Variants in TRIQK observed in about 807,000 individuals in gnomAD.
TRIQK encodes triple QxxK/R motif containing.
In TRIQK, 10 loss-of-function variants were observed where a neutral mutation model predicts 10.8. That is an observed-to-expected ratio of 0.92 (90% CI 0.57 to 1.57). The LOEUF is 1.57. Ranked by LOEUF, TRIQK falls within the 40% of genes most tolerant of loss-of-function variation. TRIQK has a pLI of 0.00. For missense variants in TRIQK, 107 were observed against 97.7 expected, an observed-to-expected ratio of 1.09 and a Z score of -0.40; for synonymous variants, 33 against 33.7, an observed-to-expected ratio of 0.98 and a Z score of 0.07.
intron 2 of TRIQK, among the ~76,000 whole-genome samples, chr8:92,925,775 C>A (rs551954544): frequency 2.9e-4 from 44 of 152,276 alleles, no homozygotes; most frequent in Admixed American, 9.2e-4. Context: ...ATTTCTGGTA[C>A]AACTTCTTTA....
chr8:92,946,955 T>C (rs796172449), intron 2 of TRIQK, among the ~76,000 whole-genome samples: 35 of 151,600 alleles, frequency 2.3e-4, no homozygotes, highest in Admixed American at 4.6e-4. Context: ...TTAGTAGAGA[T>C]GGGGTTTCAC....
chr8:93,017,230 A>ATT (rs1482670624), intron 1 of TRIQK, among the ~76,000 whole-genome samples: 159 of 151,958 alleles, frequency 1.0e-3, no homozygotes, highest in Non-Finnish European at 1.9e-3. Flanking sequence ...TGGAAGATAA[A>ATT]TAAGACTGCG....
At chr8:92,981,593 CTA>C (rs1261018620) in intron 1 of TRIQK, among the ~76,000 whole-genome samples, 1 of 151,670 alleles carries the variant, frequency 6.6e-6, no homozygotes, top group African/African-American at 2.4e-5. Flanking sequence ...GTTAAAATTC[CTA>C]TGTTATATTA....
At chr8:92,996,000 C>A (rs1049045468) in intron 1 of TRIQK, among the ~76,000 whole-genome samples, 3 of 152,134 alleles carry the variant, frequency 2.0e-5, no homozygotes, top group South Asian at 4.1e-4. Flanking sequence ...ACTGTCAGAT[C>A]TCTGTTGAGG....
Position 92,955,775 on chromosome 8 carries a change from T to C in TRIQK, c.-180-1211A>G, listed in dbSNP as rs867701224. On this transcript the variant is annotated intron_variant, in intron 1 of 4. Transcript: ENST00000521988. The stretch of plus-strand genomic sequence containing the variant: ...TTAAATGGGCAAAGTATTTGAACAA[T>C]TTTCCAGAGAAGACATACAAATTGC... Among the ~76,000 whole-genome samples, 147 of 151,884 alleles carry C rather than the reference T, an allele frequency of 9.7e-4. 1 individual carries two copies. The highest frequency in any genetic ancestry group is 3.4e-3 in the African/African-American group (142 of 41,514).
chr8:93,017,392 G>A (rs1016960369), intron 1 of TRIQK, among the ~76,000 whole-genome samples: 7 of 152,144 alleles, frequency 4.6e-5, no homozygotes, highest in Admixed American at 4.6e-4. Flanking sequence ...TAGGACTGTA[G>A]CAAAATAGGC....
intron 1 of TRIQK, chr8:92,974,335 C>T (rs1251046565): frequency 6.6e-6 from 1 of 152,238 alleles, no homozygotes; most frequent in African/African-American, 2.4e-5. Flanking sequence ...CCTTATCCAA[C>T]AGCTCCCACC....
At chr8:92,894,419 G>A (rs1381256497) in intron 3 of TRIQK, among the ~76,000 whole-genome samples, 1 of 151,264 alleles carries the variant, frequency 6.6e-6, no homozygotes, top group Admixed American at 6.6e-5. Flanking sequence ...AAATATAGAA[G>A]TCCCTGACTT....
At chr8:92,964,744 T>C (rs138937338) in intron 1 of TRIQK, 3 of 152,232 alleles carry the variant, frequency 2.0e-5, no homozygotes, top group African/African-American at 4.8e-5. Flanking sequence ...TTTGTGTGGA[T>C]CATTACTTTA....
chr8:92,912,516 A>C (rs1288691110), intron 3 of TRIQK, among the ~76,000 whole-genome samples: 1 of 151,952 alleles, frequency 6.6e-6, no homozygotes, highest in African/African-American at 2.4e-5. Context: ...AATTAGAAAA[A>C]GAACAACCCT....
intron 3 of TRIQK, among the ~76,000 whole-genome samples, chr8:92,897,015 C>T (rs1329479228): frequency 6.6e-6 from 1 of 151,970 alleles, no homozygotes; most frequent in Non-Finnish European, 1.5e-5. Flanking sequence ...TGGGGTTTCG[C>T]AATACTGGCC....
At chr8:92,981,151 G>A (rs1812981936) in intron 1 of TRIQK, among the ~76,000 whole-genome samples, 1 of 151,522 alleles carries the variant, frequency 6.6e-6, no homozygotes, top group Non-Finnish European at 1.5e-5. Context: ...AGGTTTGAAG[G>A]GAACTTAAAG....
intron 1 of TRIQK, among the ~76,000 whole-genome samples, chr8:92,987,461 T>C (rs1318351151): frequency 2.0e-5 from 3 of 152,220 alleles, no homozygotes; most frequent in Non-Finnish European, 4.4e-5. Context: ...TGTATGTCAT[T>C]TGGTTTTACA....
intron 1 of TRIQK, among the ~76,000 whole-genome samples, chr8:92,975,498 T>C (rs1172533494): frequency 1.3e-5 from 2 of 152,202 alleles, no homozygotes; most frequent in African/African-American, 4.8e-5. Context: ...ATATTGCTTA[T>C]ATTCATTTTT....
intron 1 of TRIQK, among the ~76,000 whole-genome samples, chr8:92,989,483 T>C (rs566137462): frequency 5.5e-4 from 84 of 152,226 alleles, no homozygotes; most frequent in Admixed American, 2.1e-3. Context: ...TAGATTTTCA[T>C]AGGAGCTCGA....
rs138433404 is a variant in TRIQK at position 92,915,636 on chromosome 8, C to T, written c.61+1293G>A. Among the ~76,000 whole-genome samples, 548 of 149,000 alleles carry T rather than the reference C, an allele frequency of 3.7e-3. 4 individuals carry two copies. The highest frequency in any genetic ancestry group is 0.023 in the South Asian group (108 of 4,624). On this transcript the variant is annotated intron_variant, in intron 3 of 4. Coordinates refer to ENST00000521988, the MANE Select transcript of TRIQK (RefSeq NM_001171797.2). ...CCTCCCAGGTAGCTGGGACTACAGG[C>T]GCCCATCACGACGCCCGGCTAATTT... is the stretch of plus-strand genomic sequence containing the variant.
At chr8:92,933,833 C>T (rs1810853361) in intron 2 of TRIQK, among the ~76,000 whole-genome samples, 1 of 152,062 alleles carries the variant, frequency 6.6e-6, no homozygotes, top group Non-Finnish European at 1.5e-5. Flanking sequence ...GATTCTCACA[C>T]TTCTGACTAT....
rs1816391311 is a variant in TRIQK, at chr8:92,884,912, T to A, written c.*1710A>T. On this transcript the variant is annotated 3_prime_UTR_variant, in exon 5 of 5. Coordinates refer to ENST00000521988, the MANE Select transcript of TRIQK (RefSeq NM_001171797.2). Reference sequence around the variant, plus strand: ...ACTCAGGAAAGTAAAAGGCCCATCATATCCAAAATGCCAGCTTGGATATTC... The same window carrying A: ...ACTCAGGAAAGTAAAAGGCCCATCAAATCCAAAATGCCAGCTTGGATATTC... 1 of 456,070 alleles carries A rather than the reference T, an allele frequency of 2.2e-6. No individual in the cohort carries two copies. The highest frequency in any genetic ancestry group is 2.0e-5 in the African/African-American group (1 of 49,996). 28.3% of individuals were successfully genotyped at this position (456,070 alleles called of 1,614,324 possible).
intron 1 of TRIQK, chr8:92,974,654 T>G (rs2130739809): frequency 6.6e-6 from 1 of 152,370 alleles, no homozygotes; most frequent in East Asian, 1.9e-4. Flanking sequence ...CTCCATCACA[T>G]CCAGCAATCT....
Sources: allele counts gnomAD v4.1 joint callset (sites outside exome capture counted in the v4.1 genomes callset), GRCh38; gene constraint gnomAD v4.1.1; transcripts MANE v1.5; gene names NCBI Gene and HGNC (gene_info 2026-07-23, HGNC 2026-07-21).